The following PCSK9 variants were observed in gnomAD, a reference collection of about 807,000 sequenced individuals.
The protein encoded by PCSK9 is convertase subtilisin/kexin type 9 preproprotein.
A neutral mutation model predicts 62.1 loss-of-function variants in PCSK9; 57 were observed. The observed-to-expected ratio is 0.92, with a 90% CI of 0.74 to 1.14. The LOEUF is 1.14. Among genes scored for constraint, PCSK9 ranks in the 50% most tolerant of loss-of-function variants. The probability of loss-of-function intolerance (pLI) is 0.00; values close to 1 mark genes in which losing one functional copy is unlikely to be tolerated. For missense variants in PCSK9, 870 were observed against 959.8 expected (o/e 0.91, Z 1.24); for synonymous variants, 387 against 409.4 (o/e 0.95, Z 0.66).
intron 8 of PCSK9, 28 bp downstream of exon 8, chr1:55,058,237 C>A (rs752160222): frequency 3.1e-5 from 49 of 1,606,460 alleles, no homozygotes; most frequent in Non-Finnish European, 2.2e-5. Flanking sequence ...GTGGGCAAGT[C>A]CAGGCTGGGG....
intron 11 of PCSK9, among the ~76,000 whole-genome samples, chr1:55,062,363 C>T (rs542483259): frequency 6.6e-6 from 1 of 152,194 alleles, no homozygotes; most frequent in Non-Finnish European, 1.5e-5. Context: ...CAGTCTTGGT[C>T]TTGGATCCAC....
rs550413887 is a variant in PCSK9, at chr1:55,052,509, T to A, written c.657+98T>A. On this transcript the variant is annotated intron_variant, in intron 4 of 11. Transcript: ENST00000302118. Reference sequence around the variant, plus strand: ...CCCCAGAGCGTTGCAGCTGTACTCCTGGGTTGCACCCCCCCCAGCTGTCAC... The same window carrying A: ...CCCCAGAGCGTTGCAGCTGTACTCCAGGGTTGCACCCCCCCCAGCTGTCAC... 5 of 1,555,306 alleles carry A rather than the reference T, an allele frequency of 3.2e-6. No individual in the cohort carries two copies. The East Asian group carries it at 1.2e-4, about 37-fold the overall frequency.
rs986151799 is a variant in PCSK9 at position 55,058,647 on chromosome 1, G to A, written c.1503G>A (p.Glu501=). 9 of 1,608,452 alleles carry A rather than the reference G, an allele frequency of 5.6e-6. No individual in the cohort carries two copies. Among genetic ancestry groups the A allele is most frequent in the Non-Finnish European group, 6.8e-6 (8 of 1,178,754 alleles). Residue 501 remains glutamate, a splice_region_variant and synonymous_variant, in exon 9 of 12, where the codon GAG becomes GAA. Transcript: ENST00000302118. The part of the protein sequence containing the change: ...RSGKRRGERM[E]AQGGKLVCRA... ...GGAAGCGGCGGGGCGAGCGCATGGA[G>A]GTGACTGTACCCCTCCTTCGTGTGT...
At chr1:55,046,470 G>A (rs1422149554) in intron 2 of PCSK9, 53 bp from the exon 3 acceptor site, 1 of 1,613,970 alleles carries the variant, frequency 6.2e-7, no homozygotes, top group Non-Finnish European at 8.5e-7. Flanking sequence ...GGCTGTGTTT[G>A]CTGCTGTCCA....
At chr1:55,053,372 C>A (rs1644690475) in intron 5 of PCSK9, among the ~76,000 whole-genome samples, 1 of 152,302 alleles carries the variant, frequency 6.6e-6, no homozygotes, top group African/African-American at 2.4e-5. Context: ...GGTTCTCTCC[C>A]TTACTGACTT....
At chr1:55,061,821 G>A (rs144546842) in intron 11 of PCSK9, among the ~76,000 whole-genome samples, 18 of 152,322 alleles carry the variant, frequency 1.2e-4, no homozygotes, top group South Asian at 8.3e-4. Flanking sequence ...CATAAATATG[G>A]CATAAAGAAA....
rs1035459069 is a variant in PCSK9, at chr1:55,040,356, C to A, written c.207+312C>A. 6.6e-6 allele frequency among the ~76,000 whole-genome samples: 1 copy of A among 152,176 alleles called. No homozygotes were observed. The highest frequency in any genetic ancestry group is 6.5e-5 in the Admixed American group (1 of 15,284). ...CGAGGAAGGGCGAGCAGAGCACTGC[C>A]AGGATATCCTGCCCAGATTTCCCAG... is the stretch of plus-strand genomic sequence containing the variant. On this transcript the variant is annotated intron_variant, in intron 1 of 11. Transcript: ENST00000302118. This position sits in a 1 kb window ranked among gnomAD's most constrained non-coding sequence, Gnocchi z 4.1.
intron 11 of PCSK9, among the ~76,000 whole-genome samples, chr1:55,062,636 C>T (rs545843566): frequency 3.5e-4 from 53 of 152,070 alleles, no homozygotes; most frequent in Non-Finnish European, 6.5e-4. Flanking sequence ...AGAACATGTT[C>T]CAGGCAAAGC....
chr1:55,051,333 C>T (rs894694959), intron 3 of PCSK9: 10 of 383,438 alleles, frequency 2.6e-5, no homozygotes, highest in Non-Finnish European at 4.6e-5. Context: ...CCTGCTTTTC[C>T]TGGCTGCAGG....
chr1:55,057,266 G>C (rs72646512), intron 6 of PCSK9, 65 bp from the exon 7 acceptor site: 1 of 1,549,454 alleles, frequency 6.5e-7, no homozygotes, highest in Non-Finnish European at 8.9e-7. Flanking sequence ...GGCAAGGCCT[G>C]AGTCTGCCTC....
At chr1:55,051,076 C>G (rs1644669573) in intron 3 of PCSK9, 1 of 451,772 alleles carries the variant, frequency 2.2e-6, no homozygotes, top group Non-Finnish European at 4.4e-6. Flanking sequence ...GGGTTCTTCC[C>G]AGAGCCTTCG....
At chr1:55,052,523 C>A (rs1212762096) in intron 4 of PCSK9, 112 bp downstream of exon 4, 4 of 1,603,858 alleles carry the variant, frequency 2.5e-6, no homozygotes, top group South Asian at 1.1e-5. Context: ...TTGCACCCCC[C>A]CCAGCTGTCA....
At position 55,046,401 on chromosome 1, in the gene PCSK9, G is replaced by A. The variant is rs923247943; in HGVS notation, c.400-122G>A. 11 of 1,459,436 alleles carry A rather than the reference G, an allele frequency of 7.5e-6. No homozygotes were observed. In the African/African-American group the frequency reaches 1.4e-4, roughly 18 times the overall value. The allele number at this position is 1,459,436 out of a possible 1,614,324, so 90.4% of individuals were successfully genotyped here. A position where few individuals can be genotyped will look rare whatever the true frequency, so the allele number is the denominator to read the frequency against. Reference sequence around the variant, plus strand: ...TCCTCCGGGGCACTAGCAGGGACAAGGTGGGAGGCTGCTGGGCTGGGATGT... The same window carrying A: ...TCCTCCGGGGCACTAGCAGGGACAAAGTGGGAGGCTGCTGGGCTGGGATGT... On this transcript the variant is annotated intron_variant, in intron 2 of 11. Transcript: ENST00000302118.
chr1:55,040,179 A>G lies in PCSK9; in HGVS notation c.207+135A>G. 1 of 1,238,134 alleles carries G rather than the reference A, an allele frequency of 8.1e-7. No homozygotes were observed. The highest frequency in any genetic ancestry group is 1.1e-6 in the Non-Finnish European group (1 of 893,614). 76.7% of individuals were successfully genotyped at this position (1,238,134 alleles called of 1,614,324 possible). On this transcript the variant is annotated intron_variant, in intron 1 of 11. Transcript: ENST00000302118. The surrounding 1 kb of genome is among the most constrained non-coding windows in gnomAD (Gnocchi z 4.1). ...GGTCGCCGAGGGCTCTTCGCTTGGC[A>G]CGATCTTGGGGACTGCAGGCAAGGC...
At position 55,052,409 on chromosome 1, in the gene PCSK9, C is replaced by T. The variant is rs778617372; in HGVS notation, c.655C>T (p.Gln219Ter). ...PEEDGTRFHR[Q>*]ASKCDSHGTH... is the part of the protein sequence containing the mutation. ...GGAGGACGGGACCCGCTTCCACAGA[C>T]AGGTAAGCACGGCCGTCTGATGGGA... is the stretch of plus-strand genomic sequence containing the variant. Residue 219 changes from glutamine (Q) to a stop codon, truncating the protein, a stop_gained and splice_region_variant, in exon 4 of 12, where the codon CAG becomes TAG. Coordinates refer to ENST00000302118, the MANE Select transcript of PCSK9 (RefSeq NM_174936.4). LOFTEE classifies it high-confidence loss of function. 2 of 1,613,780 alleles carry T rather than the reference C, an allele frequency of 1.2e-6. No individual in the cohort carries two copies. The highest frequency in any genetic ancestry group is 1.7e-6 in the Non-Finnish European group (2 of 1,180,026).
chr1:55,051,449 C>T (rs542235982), intron 3 of PCSK9: 18 of 324,876 alleles, frequency 5.5e-5, no homozygotes, highest in African/African-American at 3.8e-4. Flanking sequence ...TGCGCTGGAG[C>T]GGAGGTGCTT....
chr1:55,046,051 A>G (rs533461979), intron 2 of PCSK9, among the ~76,000 whole-genome samples: 1 of 152,234 alleles, frequency 6.6e-6, no homozygotes, highest in African/African-American at 2.4e-5. Flanking sequence ...AGTGCCTCCC[A>G]TTGGCTGAGC....
At chr1:55,042,355 A>G (rs905238430) in intron 1 of PCSK9, among the ~76,000 whole-genome samples, 2 of 152,344 alleles carry the variant, frequency 1.3e-5, no homozygotes, top group Admixed American at 1.3e-4. Flanking sequence ...CCTGACGTGA[A>G]CTGACATGAG....
chr1:55,054,278 G>A (rs1027099584), intron 5 of PCSK9, among the ~76,000 whole-genome samples: 6 of 152,232 alleles, frequency 3.9e-5, no homozygotes, highest in African/African-American at 1.4e-4. Context: ...AGCTACTTGG[G>A]AGGCTAAGGC....
Sources: allele counts gnomAD v4.1 joint callset (sites outside exome capture counted in the v4.1 genomes callset), GRCh38; gene constraint gnomAD v4.1.1; non-coding constraint Gnocchi (gnomAD v3.1); transcripts MANE v1.5; gene names NCBI Gene and HGNC (gene_info 2026-07-23, HGNC 2026-07-21).